DNA2: variants seen among roughly 807,000 people sequenced by gnomAD.
DNA2 encodes the protein DNA replication ATP-dependent helicase/nuclease DNA2.
In DNA2, 101 loss-of-function variants were observed where a neutral mutation model predicts 119.1. The ratio of observed to expected loss-of-function variants is 0.85; its 90% CI spans 0.72 to 1.00. The LOEUF is 1.00. DNA2 is among the 50% of genes least tolerant of loss of function. The pLI, the probability that DNA2 is intolerant of heterozygous loss-of-function variation, is 0.00. For synonymous variants in DNA2, 366 were observed against 424.4 expected, an observed-to-expected ratio of 0.86 and a Z score of 1.69; for missense variants, 1,121 against 1,255.5, an observed-to-expected ratio of 0.89 and a Z score of 1.62.
rs774208232 is a variant in DNA2 at position 68,459,111 on chromosome 10, G to C, written c.712C>G (p.Leu238Val). ...NTSTDFPQMQ[L>V]SLPSDNSKDN... is the part of the protein sequence containing the mutation. ...ACAAAATGTGTTTCTTACAGAGAGA[G>C]CTGCATCTGAGGGAAGTCAGTCGAA... Residue 238 changes from leucine (L) to valine (V), a missense_variant, in exon 5 of 21, where the codon CTC becomes GTC. Transcript: ENST00000358410. 1.0e-4 allele frequency: 167 copies of C among 1,596,754 alleles called. No individual in the cohort carries two copies. The highest frequency in any genetic ancestry group is 1.4e-4 in the Non-Finnish European group (163 of 1,171,546).
chr10:68,472,001 C>G (rs767666341), upstream of DNA2: 22 of 1,610,692 alleles, frequency 1.4e-5, no homozygotes, highest in East Asian at 3.8e-4. Flanking sequence ...TCCCAAATGA[C>G]CTGCGCCAGG....
intron 4 of DNA2, among the ~76,000 whole-genome samples, chr10:68,461,719 T>C (rs1298006736): frequency 6.6e-6 from 1 of 150,928 alleles, no homozygotes; most frequent in Non-Finnish European, 1.5e-5. Flanking sequence ...TCCCAGCTAC[T>C]CGGGAGGCTG....
In DNA2 at chr10:68,468,280, T is replaced by G. The variant is rs1462237758; in HGVS notation, c.284A>C (p.Asp95Ala). Residue 95 changes from aspartate (D) to alanine (A), a missense_variant, in exon 3 of 21, where the codon GAT (aspartate) becomes GCT (alanine). Coordinates refer to ENST00000358410, the MANE Select transcript of DNA2 (RefSeq NM_001080449.3). Reference sequence around the variant, plus strand: ...GCAGTCTCCCTCCAAATGAATGATATCTCCTGGCTCTACTGGAACAGAACA... The same window carrying G: ...GCAGTCTCCCTCCAAATGAATGATAGCTCCTGGCTCTACTGGAACAGAACA... ...DWCSVPVEPG[D>A]IIHLEGDCTS... 4.4e-6 allele frequency: 7 copies of G among 1,601,272 alleles called. No individual in the cohort carries two copies. The African/African-American group carries it at 9.4e-5, about 21-fold the overall frequency.
At chr10:68,416,997 AC>A in intron 19 of DNA2, 142 bp from the exon 20 acceptor site, 1 of 696,636 alleles carries the variant, frequency 1.4e-6, no homozygotes, top group Non-Finnish European at 2.3e-6. Context: ...TAATCCCAGT[AC>A]TTTGGGAGGC....
At chr10:68,458,180 AAAAG>A in intron 5 of DNA2, among the ~76,000 whole-genome samples, 1 of 152,094 alleles carries the variant, frequency 6.6e-6, no homozygotes, top group East Asian at 1.9e-4. Flanking sequence ...CTCAAAAAAA[AAAAG>A]AATCAAATGA....
At chr10:68,421,685 G>A (rs1291161932) in intron 17 of DNA2, among the ~76,000 whole-genome samples, 1 of 152,028 alleles carries the variant, frequency 6.6e-6, no homozygotes, top group Non-Finnish European at 1.5e-5. Flanking sequence ...TCTGGGAGGA[G>A]GAAGTTGCAG....
intron 5 of DNA2, among the ~76,000 whole-genome samples, chr10:68,452,924 G>A (rs1051086227): frequency 2.0e-5 from 3 of 147,662 alleles, no homozygotes; most frequent in African/African-American, 7.5e-5. Context: ...TTTTTGAGAT[G>A]GAATCTCGCT....
Position 68,416,703 on chromosome 10 carries a change from G to T in DNA2, c.3114+6C>A. ...AATGTGACCATATACAGAAGAAAAA[G>T]GATATTAATTTTTCTGAGTTTAAAT... is the stretch of plus-strand genomic sequence containing the variant. On this transcript the variant is annotated splice_donor_region_variant and intron_variant, in intron 20 of 20. Coordinates refer to ENST00000358410, the MANE Select transcript of DNA2 (RefSeq NM_001080449.3). 1 of 1,609,814 alleles carries T rather than the reference G, an allele frequency of 6.2e-7. No homozygotes were observed.
At position 68,427,065 on chromosome 10, in the gene DNA2, A is replaced by G. The variant is rs191147726; in HGVS notation, c.2208+3371T>C. ...GAAGAAGAGATACAGATGACAAATA[A>G]GCACATGAAAAACTCATTATGGGCC... On this transcript the variant is annotated intron_variant, in intron 14 of 20. Coordinates refer to ENST00000358410, the MANE Select transcript of DNA2 (RefSeq NM_001080449.3). Among the ~76,000 whole-genome samples, 974 of 151,964 alleles carry G rather than the reference A, an allele frequency of 6.4e-3. 7 individuals are homozygous for G. Among genetic ancestry groups the G allele is most frequent in the Admixed American group, 9.4e-3 (143 of 15,262 alleles).
At chr10:68,434,873 C>A (rs1564883621) in intron 10 of DNA2, among the ~76,000 whole-genome samples, 1 of 152,194 alleles carries the variant, frequency 6.6e-6, no homozygotes, top group Non-Finnish European at 1.5e-5. Flanking sequence ...CAAGCCTGGA[C>A]ATTTCCATTA....
intron 9 of DNA2, among the ~76,000 whole-genome samples, chr10:68,439,605 A>G (rs369893469): frequency 1.3e-5 from 2 of 151,960 alleles, no homozygotes; most frequent in East Asian, 3.9e-4. Context: ...TGGGAGGCCG[A>G]AGCGTGTGGA....
chr10:68,467,563 T>G (rs1288489223), intron 3 of DNA2, among the ~76,000 whole-genome samples: 2 of 152,172 alleles, frequency 1.3e-5, no homozygotes, highest in Non-Finnish European at 2.9e-5. Flanking sequence ...TTTGTTTGTT[T>G]GTTTTGACAC....
Position 68,416,776 on chromosome 10 carries a change from C to T in DNA2, c.3047G>A (p.Cys1016Tyr). 1 of 1,613,898 alleles carries T rather than the reference C, an allele frequency of 6.2e-7. No homozygotes were observed. The highest frequency in any genetic ancestry group is 8.5e-7 in the Non-Finnish European group (1 of 1,179,808). Reference protein sequence around the residue: ...RAKHKLILLGCVPSLNCYPPL... With the variant: ...RAKHKLILLGYVPSLNCYPPL... ...AGGATAGCAATTTAGTGAGGGCACA[C>T]ACCCCAGAAGAATCAGTTTATGTTT... Residue 1016 changes from cysteine to tyrosine, a missense_variant, in exon 20 of 21, where the codon TGT (cysteine) becomes TAT (tyrosine). Physicochemically the swap from Cys to Tyr is radical, Grantham distance 194 (BLOSUM62 -2). Transcript: ENST00000358410.
intron 14 of DNA2, chr10:68,424,610 T>A: frequency 1.4e-6 from 2 of 1,433,962 alleles, no homozygotes; most frequent in Non-Finnish European, 2.0e-6. Context: ...ACCGCAAACG[T>A]CACTTCCATG....
At chr10:68,446,523 T>G (rs538161816) in intron 6 of DNA2, 110 bp from the exon 7 acceptor site, 2 of 706,476 alleles carry the variant, frequency 2.8e-6, no homozygotes, top group East Asian at 5.5e-5. Context: ...TAAAGTTATT[T>G]CTATTTAATA....
Position 68,419,892 on chromosome 10 carries a change from C to A in DNA2, c.2698G>T (p.Val900Phe). 2 of 1,613,452 alleles carry A rather than the reference C, an allele frequency of 1.2e-6. No individual in the cohort carries two copies. The highest frequency in any genetic ancestry group is 2.2e-5 in the South Asian group (2 of 91,054). ...NPVCFLNTDK[V>F]PAPEQVEKGG... ...TTTTCAACTTGTTCTGGCGCTGGAA[C>A]CTAAGTGGAAAAATATACAGCCTGC... Residue 900 changes from valine (V) to phenylalanine (F), a missense_variant and splice_region_variant, in exon 18 of 21, where the codon GTT (valine) becomes TTT (phenylalanine). Physicochemically the swap from Val to Phe is conservative, Grantham distance 50 (BLOSUM62 -1). Transcript: ENST00000358410.
intron 3 of DNA2, among the ~76,000 whole-genome samples, chr10:68,467,404 C>T (rs938454889): frequency 6.6e-6 from 1 of 151,398 alleles, no homozygotes; most frequent in African/African-American, 2.4e-5. Flanking sequence ...CCACTGCGCC[C>T]AGCCCCAAAA....
chr10:68,419,110 T>C lies in DNA2; in HGVS notation c.2891A>G (p.Asn964Ser), dbSNP rs2051632387. The stretch of plus-strand genomic sequence containing the variant: ...CCTTCCTTGGTATTTGTCTACTGTA[T>C]TAACTTCGACCATCCCAATAGAACG... ...LARSIGMVEV[N>S]TVDKYQGRDK... Residue 964 changes from asparagine (N) to serine (S), a missense_variant, in exon 19 of 21, where the codon AAT becomes AGT. Physicochemically the swap from Asn to Ser is conservative, Grantham distance 46. Coordinates refer to ENST00000358410, the MANE Select transcript of DNA2 (RefSeq NM_001080449.3). 3 of 1,613,584 alleles carry C rather than the reference T, an allele frequency of 1.9e-6. No individual in the cohort carries two copies. Among genetic ancestry groups the C allele is most frequent in the Non-Finnish European group, 1.7e-6 (2 of 1,179,696 alleles).
chr10:68,468,024 T>G, intron 3 of DNA2, 99 bp downstream of exon 3: 1 of 927,576 alleles, frequency 1.1e-6, no homozygotes, highest in Non-Finnish European at 1.5e-6. Flanking sequence ...ACCATTTATT[T>G]TATAGGGTTG....
Sources: allele counts gnomAD v4.1 joint callset (sites outside exome capture counted in the v4.1 genomes callset), GRCh38; gene constraint gnomAD v4.1.1; transcripts MANE v1.5; gene names NCBI Gene and HGNC (gene_info 2026-07-23, HGNC 2026-07-21).